The following PLD5 variants were observed in gnomAD, a reference collection of about 807,000 sequenced individuals.
PLD5 encodes phospholipase D family member 5.
PLD5 carries 36 observed loss-of-function variants against 61.1 expected under a neutral mutation model. That is an observed-to-expected ratio of 0.59 (90% CI 0.45 to 0.78). The LOEUF (loss-of-function observed/expected upper bound fraction) is 0.78, where lower values mean the gene tolerates loss of function less well. Among genes scored for constraint, PLD5 ranks in the 30% least tolerant of loss-of-function variants. PLD5 has a pLI of 0.00. For synonymous variants in PLD5, 243 were observed against 242.8 expected, an observed-to-expected ratio of 1.00 and a Z score of -0.01; for missense variants, 515 against 644.4, an observed-to-expected ratio of 0.80 and a Z score of 2.17.
intron 2 of PLD5, among the ~76,000 whole-genome samples, chr1:242,347,564 A>T (rs998384675): frequency 1.3e-5 from 2 of 152,092 alleles, no homozygotes; most frequent in African/African-American, 4.8e-5. Context: ...ACTTAATGTA[A>T]CTGAAGAGAC....
chr1:242,384,817 A>ACT (rs879368505), intron 1 of PLD5, among the ~76,000 whole-genome samples: 5 of 152,150 alleles, frequency 3.3e-5, no homozygotes, highest in Non-Finnish European at 7.3e-5. Context: ...ATGAAGCAGT[A>ACT]CTCTCTCTCT....
chr1:242,375,937 G>A (rs926378370), intron 1 of PLD5, among the ~76,000 whole-genome samples: 28 of 152,036 alleles, frequency 1.8e-4, no homozygotes, highest in East Asian at 3.9e-4. Flanking sequence ...AACAGGAAAC[G>A]CCAACTCTTT....
chr1:242,135,861 C>A (rs79765365), intron 5 of PLD5, among the ~76,000 whole-genome samples: 1 of 152,194 alleles, frequency 6.6e-6, no homozygotes, highest in African/African-American at 2.4e-5. Context: ...AACATAACTT[C>A]CTCCTCCTTT....
rs1158865087 is a variant in PLD5, at chr1:242,194,664, A to ATCTG, written c.735+25323_735+25324insCAGA. Reference sequence around the variant, plus strand: ...TATCTATCTATCTATCTATCTATCTATCTACCTATCTATGATAGAATACTA... The same window carrying ATCTG: ...TATCTATCTATCTATCTATCTATCTATCTGTCTACCTATCTATGATAGAATACTA... On this transcript the variant is annotated intron_variant, in intron 5 of 9. Coordinates refer to ENST00000536534, the MANE Select transcript of PLD5 (RefSeq NM_001372062.1). Among the ~76,000 whole-genome samples the ATCTG allele has an allele frequency of 1.7e-3, 253 of 150,666 alleles. 2 individuals carry two copies. Among genetic ancestry groups the ATCTG allele is most frequent in the African/African-American group, 6.0e-3 (243 of 40,802 alleles).
In PLD5 at chr1:242,087,112, C is replaced by G. The variant is rs1029637648; in HGVS notation, c.*2742G>C. Reference sequence around the variant, plus strand: ...AAAGTTCTGCAGAATGAAATGTTCTCTTGGGAGACATGAACCCATTTCTGA... The same window carrying G: ...AAAGTTCTGCAGAATGAAATGTTCTGTTGGGAGACATGAACCCATTTCTGA... On this transcript the variant is annotated 3_prime_UTR_variant, in exon 10 of 10. Transcript: ENST00000536534. 1.3e-5 allele frequency: 2 copies of G among 152,166 alleles called. No homozygotes were observed. Among genetic ancestry groups the G allele is most frequent in the East Asian group, 3.9e-4 (2 of 5,194 alleles). 9.4% of individuals were successfully genotyped at this position (152,166 alleles called of 1,614,324 possible).
chr1:242,338,841 G>T (rs1659676124), intron 2 of PLD5, among the ~76,000 whole-genome samples: 1 of 152,128 alleles, frequency 6.6e-6, no homozygotes, highest in Admixed American at 6.5e-5. Context: ...GTAGAGTTCA[G>T]AAGCATAAAA....
chr1:242,347,528 A>G (rs1459975601), intron 2 of PLD5, among the ~76,000 whole-genome samples: 1 of 152,222 alleles, frequency 6.6e-6, no homozygotes, highest in Non-Finnish European at 1.5e-5. Flanking sequence ...TGTCTCTGCC[A>G]GTCAGCAAGG....
rs1161348547 is a variant in PLD5 at position 242,220,070 on chromosome 1, C to T, written c.653G>A (p.Arg218Gln). The T allele has an allele frequency of 5.0e-6, 8 of 1,614,058 alleles. No individual in the cohort carries two copies. The highest frequency in any genetic ancestry group is 1.3e-5 in the African/African-American group (1 of 74,928). ...CACGATCCAGAAGGAGGACTGCAGC[C>T]GGCCCTTGTTGTAAGCGGTCATGTT... ...YMNMTAYNKG[R>Q]LQSSFWIVDK... The change falls in exon 5 of 10, where the codon CGG (arginine) becomes CAG (glutamine). Residue 218 changes from arginine to glutamine, a missense_variant. Arg to Gln is a conservative substitution (Grantham distance 43, BLOSUM62 1). This residue lies in a region of PLD5 where 450 missense variants were observed against 598.1 expected (regional missense o/e 0.75). Coordinates refer to ENST00000536534, the MANE Select transcript of PLD5 (RefSeq NM_001372062.1).
chr1:242,433,965 C>A (rs1665858922), intron 1 of PLD5, among the ~76,000 whole-genome samples: 1 of 152,204 alleles, frequency 6.6e-6, no homozygotes, highest in Non-Finnish European at 1.5e-5. Context: ...AGGAGGAAGG[C>A]AGATTACATA....
chr1:242,502,750 G>C (rs528596147), intron 1 of PLD5, among the ~76,000 whole-genome samples: 48 of 152,228 alleles, frequency 3.2e-4, no homozygotes, highest in African/African-American at 1.1e-3. Context: ...GGAGAAGATA[G>C]AAAGAAGTTG....
chr1:242,134,718 A>G (rs1010082703), intron 5 of PLD5, among the ~76,000 whole-genome samples: 3 of 152,126 alleles, frequency 2.0e-5, no homozygotes, highest in Admixed American at 6.5e-5. Context: ...CTCCTCAACA[A>G]TGCCCTCCCT....
chr1:242,169,935 A>C (rs910401618), intron 5 of PLD5, among the ~76,000 whole-genome samples: 1 of 152,212 alleles, frequency 6.6e-6, no homozygotes, highest in Non-Finnish European at 1.5e-5. Context: ...AGCCCCAGTC[A>C]GGGACTTATA....
At chr1:242,220,347 A>T (rs1214059397) in intron 4 of PLD5, among the ~76,000 whole-genome samples, 1 of 152,212 alleles carries the variant, frequency 6.6e-6, no homozygotes, top group Non-Finnish European at 1.5e-5. Context: ...GCCAGGGGAA[A>T]TGCCTTTTCC....
chr1:242,407,257 C>T (rs1343855957), intron 1 of PLD5, among the ~76,000 whole-genome samples: 1 of 142,158 alleles, frequency 7.0e-6, no homozygotes, highest in African/African-American at 2.7e-5. Flanking sequence ...GGTGAGGCCT[C>T]CCCTCAGTTC....
intron 1 of PLD5, among the ~76,000 whole-genome samples, chr1:242,375,299 TC>T (rs933710915): frequency 9.2e-5 from 14 of 151,974 alleles, no homozygotes; most frequent in Non-Finnish European, 1.6e-4. Flanking sequence ...CATTTTAAAG[TC>T]CCCCCATTCT....
At chr1:242,395,075 A>ATATGTGTATATATGAATG (rs1558528403) in intron 1 of PLD5, among the ~76,000 whole-genome samples, 1 of 116,346 alleles carries the variant, frequency 8.6e-6, no homozygotes, top group Non-Finnish European at 1.8e-5. Context: ...ATATATGAAT[A>ATATGTGTATATATGAATG]TATATGTATA....
At chr1:242,403,889 C>A (rs1378536355) in intron 1 of PLD5, among the ~76,000 whole-genome samples, 3 of 152,152 alleles carry the variant, frequency 2.0e-5, no homozygotes, top group African/African-American at 7.2e-5. Context: ...ACTAGATGAA[C>A]TCTGAGGTTC....
At chr1:242,288,646 A>T in intron 2 of PLD5, 116 bp from the exon 3 acceptor site, 1 of 1,428,348 alleles carries the variant, frequency 7.0e-7, no homozygotes, top group Non-Finnish European at 9.2e-7. Flanking sequence ...TTCTGAATGC[A>T]TTCTCTCCTC....
chr1:242,315,270 G>A (rs1676937198), intron 2 of PLD5, among the ~76,000 whole-genome samples: 1 of 151,986 alleles, frequency 6.6e-6, no homozygotes, highest in Non-Finnish European at 1.5e-5. Flanking sequence ...AAAACCTACT[G>A]GAAATTAAGA....
Sources: gnomAD v4.1 joint callset for allele counts (sites outside exome capture counted in the v4.1 genomes callset) on GRCh38, gnomAD v4.1.1 for gene constraint, gnomAD v4.1.1 regional missense constraint, MANE v1.5 for transcripts, NCBI Gene and HGNC (gene_info 2026-07-23, HGNC 2026-07-21) for gene names.